Variants in SGSM2 observed in about 807,000 individuals in gnomAD.
SGSM2 encodes the protein small G protein signaling modulator 2, also known as RUN and TBC1 domain containing 1.
A neutral mutation model predicts 126.6 loss-of-function variants in SGSM2; 89 were observed. The observed-to-expected ratio is 0.70, with a 90% confidence interval of 0.59 to 0.84. The LOEUF is 0.84. Ranked by LOEUF, SGSM2 falls within the 40% of genes least tolerant of loss-of-function variation. The pLI, the probability that SGSM2 is intolerant of heterozygous loss-of-function variation, is 0.00. For synonymous variants in SGSM2, 614 were observed against 574.3 expected (o/e 1.07, Z -0.99); for missense variants, 1,404 against 1,416.6 (o/e 0.99, Z 0.14).
At chr17:2,361,863 C>G in intron 3 of SGSM2, 64 bp downstream of exon 3, 1 of 1,520,344 alleles carries the variant, frequency 6.6e-7, no homozygotes, top group Non-Finnish European at 8.8e-7. Context: ...ATTGCTACTT[C>G]CTAGGACACC....
chr17:2,364,998 G>A lies in SGSM2; in HGVS notation c.1102G>A (p.Glu368Lys). 1 of 1,613,676 alleles carries A rather than the reference G, an allele frequency of 6.2e-7. No homozygotes were observed. The highest frequency in any genetic ancestry group is 1.3e-5 in the African/African-American group (1 of 75,066). Residue 368 changes from glutamate (E) to lysine (K), a missense_variant, in exon 10 of 24, where the codon GAG becomes AAG. By Grantham distance (56) the Glu-to-Lys change is moderately conservative. Transcript: ENST00000268989. ...GHLLSFLSCLENGLLPRGQLE... is the reference protein window; with the variant it reads ...GHLLSFLSCLKNGLLPRGQLE... ...CCTGCTGTCCTTTCTGTCCTGTCTG[G>A]AGAATGGGCTGCTGCCTCGGGGACA...
rs1321657263 is a variant in SGSM2 at position 2,373,403 on chromosome 17, CAGCGGG to C, written c.1999_2004del (p.Arg667_Glu668del). 7 of 1,612,612 alleles carry C rather than the reference CAGCGGG, an allele frequency of 4.3e-6. No homozygotes were observed. Among genetic ancestry groups the C allele is most frequent in the East Asian group, 2.2e-5 (1 of 44,840 alleles). The stretch of plus-strand genomic sequence containing the variant: ...GAAGGCCTGCGAGGTGGTGGTGAGG[CAGCGGG>C]AGCGGGAGGCCCACCCAGCCACACG... On this transcript the variant is annotated inframe_deletion, in exon 17 of 24. Coordinates refer to ENST00000268989, the MANE Select transcript of SGSM2 (RefSeq NM_014853.3).
rs201528453 is a variant in SGSM2 at position 2,375,487 on chromosome 17, C to A, written c.2101-5C>A. The A allele has an allele frequency of 1.0e-5, 16 of 1,603,810 alleles. No individual in the cohort carries two copies. The highest frequency in any genetic ancestry group is 4.0e-5 in the African/African-American group (3 of 74,872). ...AGGTGGAGCCGCCCTGTGTTCACCC[C>A]CCAGGTGTTTATCTCAGTGGATGAT... On this transcript the variant is annotated splice_polypyrimidine_tract_variant and splice_region_variant and intron_variant, in intron 17 of 23. Transcript: ENST00000268989.
At chr17:2,359,275 A>G (rs2065213367) in intron 2 of SGSM2, among the ~76,000 whole-genome samples, 2 of 151,470 alleles carry the variant, frequency 1.3e-5, no homozygotes, top group African/African-American at 2.4e-5. Context: ...TTTTGTCTGC[A>G]CACTGCACGC....
At position 2,365,266 on chromosome 17, in the gene SGSM2, A is replaced by G. The variant is rs761589997; in HGVS notation, c.1213A>G (p.Met405Val). 6.2e-7 allele frequency: 1 copy of G among 1,609,404 alleles called. No individual in the cohort carries two copies. The highest frequency in any genetic ancestry group is 8.5e-7 in the Non-Finnish European group (1 of 1,177,908). ...ACGAAGCAGCATTCGCTCCGTGGAT[A>G]TGGAGGAGATGGGCACGGGGCGGGC... ...RKRSSIRSVD[M>V]EEMGTGRATD... is the part of the protein sequence containing the mutation. Residue 405 changes from methionine (M) to valine (V), a missense_variant, in exon 11 of 24, where the codon ATG (methionine) becomes GTG (valine). By Grantham distance (21) the Met-to-Val change is conservative. Coordinates refer to ENST00000268989, the MANE Select transcript of SGSM2 (RefSeq NM_014853.3).
rs1597358054 is a variant in SGSM2 at position 2,363,419 on chromosome 17, G to A, written c.673-46G>A. ...AAGCGTGAGGGTTCCCAAGCCTTGA[G>A]GCCAGTTTCCCAAGGCTGGAGGCTG... On this transcript the variant is annotated intron_variant, in intron 6 of 23. Transcript: ENST00000268989. This position sits in a 1 kb window ranked among gnomAD's most constrained non-coding sequence, Gnocchi z 4.2. The A allele has an allele frequency of 1.9e-6, 3 of 1,609,380 alleles. No individual in the cohort carries two copies. Among genetic ancestry groups the A allele is most frequent in the Non-Finnish European group, 2.5e-6 (3 of 1,179,464 alleles).
Position 2,376,880 on chromosome 17 carries a change from G to A in SGSM2, c.2692+65G>A, listed in dbSNP as rs980421252. The A allele has an allele frequency of 3.1e-6, 5 of 1,606,754 alleles. No homozygotes were observed. The African/African-American group carries it at 4.0e-5, about 13-fold the overall frequency. ...GGAGAAAGGACGAGAGGGTGGCCAG[G>A]TCTGGAGGGGTGGGAATGGGAGCCG... On this transcript the variant is annotated intron_variant, in intron 20 of 23. Transcript: ENST00000268989.
chr17:2,365,111 G>C, intron 10 of SGSM2, 54 bp downstream of exon 10: 5 of 1,598,692 alleles, frequency 3.1e-6, no homozygotes, highest in Non-Finnish European at 4.3e-6. Flanking sequence ...TTCTCTGCCC[G>C]CCTCCCTTCC....
intron 12 of SGSM2, among the ~76,000 whole-genome samples, chr17:2,370,344 G>A (rs7225100): frequency 0.025 from 3,821 of 152,380 alleles, 164 homozygotes; most frequent in African/African-American, 0.087. Flanking sequence ...GCCCCACGTG[G>A]GCCGTGGAAG....
At chr17:2,364,800 C>A (rs2065480298) in intron 9 of SGSM2, 97 bp from the exon 10 acceptor site, 1 of 1,569,876 alleles carries the variant, frequency 6.4e-7, no homozygotes, top group Non-Finnish European at 8.7e-7. Context: ...ATGCTGTAGC[C>A]CAGCCATCTG....
intron 2 of SGSM2, among the ~76,000 whole-genome samples, chr17:2,349,789 T>C (rs4790330): frequency 1.4e-5 from 1 of 72,826 alleles, no homozygotes; most frequent in Non-Finnish European, 3.6e-5. Flanking sequence ...TAGTGAAATG[T>C]TTTGTTTTTT....
chr17:2,376,947 G>C lies in SGSM2; in HGVS notation c.2693-12G>C, dbSNP rs781153108. 6.2e-7 allele frequency: 1 copy of C among 1,611,296 alleles called. No homozygotes were observed. The highest frequency in any genetic ancestry group is 1.1e-5 in the South Asian group (1 of 90,854). On this transcript the variant is annotated splice_polypyrimidine_tract_variant and intron_variant, in intron 20 of 23. Transcript: ENST00000268989. ...CTCCTGCCCTGCCAGCTTCACTCCT[G>C]TCTCCCCTCAGATCAGCTGGCCTAC... is the stretch of plus-strand genomic sequence containing the variant.
chr17:2,380,368 G>C lies in SGSM2; in HGVS notation c.*848G>C. 6.8e-7 allele frequency: 1 copy of C among 1,461,712 alleles called. No homozygotes were observed. 90.5% of individuals were successfully genotyped at this position (1,461,712 alleles called of 1,614,324 possible). ...TGAGGAATCCCAGGGTGACTCTGTC[G>C]GGGAAGAATCCGGTCACAGCCTCCC... On this transcript the variant is annotated 3_prime_UTR_variant, in exon 24 of 24. Coordinates refer to ENST00000268989, the MANE Select transcript of SGSM2 (RefSeq NM_014853.3).
intron 19 of SGSM2, 140 bp from the exon 20 acceptor site, chr17:2,376,593 G>C: frequency 4.3e-6 from 4 of 920,548 alleles, no homozygotes; most frequent in South Asian, 3.0e-5. Context: ...GTCTCCCTGT[G>C]GGGGGTGCAC....
chr17:2,377,194 A>C, intron 21 of SGSM2, 126 bp downstream of exon 21: 1 of 663,950 alleles, frequency 1.5e-6, no homozygotes, highest in Non-Finnish European at 2.5e-6. Flanking sequence ...ATTTTAAAAG[A>C]CATGGTTTCA....
Position 2,363,790 on chromosome 17 carries a change from C to A in SGSM2, c.807+191C>A. 1.1e-6 allele frequency: 1 copy of A among 944,886 alleles called. No individual in the cohort carries two copies. 58.5% of individuals were successfully genotyped at this position (944,886 alleles called of 1,614,324 possible). On this transcript the variant is annotated intron_variant, in intron 7 of 23. Coordinates refer to ENST00000268989, the MANE Select transcript of SGSM2 (RefSeq NM_014853.3). This position sits in a 1 kb window ranked among gnomAD's most constrained non-coding sequence, Gnocchi z 4.2. ...AGTTGGCAGGGGACAGGAATGGCAGCCAGCAGGCGAGGGGAGTCCGCAGTG... is the reference window on the plus strand; with the variant it reads ...AGTTGGCAGGGGACAGGAATGGCAGACAGCAGGCGAGGGGAGTCCGCAGTG...
intron 1 of SGSM2, among the ~76,000 whole-genome samples, chr17:2,340,984 A>G (rs771147950): frequency 1.3e-5 from 2 of 152,208 alleles, no homozygotes. Context: ...CCACTGGTAT[A>G]ATTCTAGGGG....
intron 16 of SGSM2, 97 bp downstream of exon 16, chr17:2,373,178 G>A (rs988987574): frequency 2.6e-5 from 41 of 1,561,868 alleles, no homozygotes; most frequent in South Asian, 5.8e-5. Context: ...CTTCCCAGCC[G>A]GAAAGAAGCA....
intron 1 of SGSM2, among the ~76,000 whole-genome samples, chr17:2,341,859 C>T (rs1454162870): frequency 6.6e-6 from 1 of 152,148 alleles, no homozygotes; most frequent in Non-Finnish European, 1.5e-5. Context: ...ACATAAATCC[C>T]AAACATTTGT....
Sources: gnomAD v4.1 joint callset for allele counts (sites outside exome capture counted in the v4.1 genomes callset) on GRCh38, gnomAD v4.1.1 for gene constraint, Gnocchi (gnomAD v3.1) non-coding constraint, MANE v1.5 for transcripts, NCBI Gene and HGNC (gene_info 2026-07-23, HGNC 2026-07-21) for gene names.